SUSD6: variants seen among roughly 807,000 people sequenced by gnomAD.
SUSD6 encodes the protein sushi domain containing 6.
SUSD6 carries 16 observed loss-of-function variants against 28.4 expected under a neutral mutation model. The ratio of observed to expected loss-of-function variants is 0.56; its 90% CI spans 0.38 to 0.86. SUSD6 has a LOEUF of 0.86. Ranked by LOEUF, SUSD6 falls within the 40% of genes least tolerant of loss-of-function variation. SUSD6 has a pLI of 0.00. For synonymous variants in SUSD6, 147 were observed against 159.6 expected (o/e 0.92, Z 0.59); for missense variants, 341 against 384.2 (o/e 0.89, Z 0.94).
chr14:69,647,234 A>G (rs544689162), intron 1 of SUSD6, among the ~76,000 whole-genome samples: 1 of 149,846 alleles, frequency 6.7e-6, no homozygotes, highest in Non-Finnish European at 1.5e-5. Flanking sequence ...CACTGAAATT[A>G]TATCAGGAAG....
chr14:69,623,535 A>C (rs955064256), intron 1 of SUSD6, among the ~76,000 whole-genome samples: 3 of 152,224 alleles, frequency 2.0e-5, no homozygotes, highest in Non-Finnish European at 4.4e-5. Context: ...TTTTGTCATC[A>C]ATATAGACTG....
At chr14:69,632,425 T>C (rs1826078941) in intron 1 of SUSD6, among the ~76,000 whole-genome samples, 1 of 152,186 alleles carries the variant, frequency 6.6e-6, no homozygotes, top group South Asian at 2.1e-4. Context: ...AAACTCATCG[T>C]GTAAGGAGAA....
At chr14:69,613,470 T>C (rs976482715) in intron 1 of SUSD6, among the ~76,000 whole-genome samples, 4 of 152,254 alleles carry the variant, frequency 2.6e-5, no homozygotes, top group African/African-American at 9.6e-5. Flanking sequence ...TTCTCCTGGG[T>C]ACACACTTAC....
At position 69,658,528 on chromosome 14, in the gene SUSD6, G is replaced by T; in HGVS notation, c.-65G>T. ...TTTGTTACAGGTGAATCAGCTCCCG[G>T]CCGACTTTAGGATTCTTCTGGATTT... is the stretch of plus-strand genomic sequence containing the variant. On this transcript the variant is annotated 5_prime_UTR_variant, in exon 2 of 6. Coordinates refer to ENST00000342745, the MANE Select transcript of SUSD6 (RefSeq NM_014734.4). 2.5e-6 allele frequency: 4 copies of T among 1,569,170 alleles called. No homozygotes were observed. The South Asian group carries it at 4.5e-5, about 18-fold the overall frequency.
intron 2 of SUSD6, among the ~76,000 whole-genome samples, chr14:69,667,408 G>A (rs1162860331): frequency 3.3e-5 from 4 of 120,460 alleles, no homozygotes; most frequent in Admixed American, 1.2e-4. Context: ...ACGGAGTCTC[G>A]CTCTGTCGCC....
At chr14:69,671,555 C>A (rs917428757) in intron 2 of SUSD6, among the ~76,000 whole-genome samples, 8 of 152,122 alleles carry the variant, frequency 5.3e-5, no homozygotes, top group African/African-American at 9.7e-5. Flanking sequence ...TCTTATCTGG[C>A]GTCACAAATT....
At chr14:69,641,767 A>ATT (rs1159647145) in intron 1 of SUSD6, among the ~76,000 whole-genome samples, 2 of 146,572 alleles carry the variant, frequency 1.4e-5, no homozygotes, top group African/African-American at 2.5e-5. Context: ...TTTAAAAAAA[A>ATT]TTTTTTTTTT....
At chr14:69,695,203 G>T (rs747974081) in intron 2 of SUSD6, among the ~76,000 whole-genome samples, 5 of 152,180 alleles carry the variant, frequency 3.3e-5, no homozygotes, top group Non-Finnish European at 7.3e-5. Flanking sequence ...TATTTGGCGG[G>T]ATCGGGAAGC....
chr14:69,689,140 T>C (rs997512057), intron 2 of SUSD6, among the ~76,000 whole-genome samples: 1 of 152,348 alleles, frequency 6.6e-6, no homozygotes, highest in East Asian at 1.9e-4. Flanking sequence ...TCCCGTGAAG[T>C]TGGAGCTCTG....
chr14:69,627,158 A>C (rs1885126765), intron 1 of SUSD6, among the ~76,000 whole-genome samples: 1 of 152,204 alleles, frequency 6.6e-6, no homozygotes, highest in Non-Finnish European at 1.5e-5. Flanking sequence ...CTAAAACACA[A>C]GTTGTTCAGG....
intron 2 of SUSD6, among the ~76,000 whole-genome samples, chr14:69,673,753 G>T (rs1885867609): frequency 6.6e-6 from 1 of 151,568 alleles, no homozygotes; most frequent in South Asian, 2.1e-4. Context: ...CCTTTCCTCA[G>T]TCTGGGCTCT....
At chr14:69,684,595 C>A (rs1354143512) in intron 2 of SUSD6, among the ~76,000 whole-genome samples, 1 of 152,222 alleles carries the variant, frequency 6.6e-6, no homozygotes, top group Non-Finnish European at 1.5e-5. Context: ...CAGCTGCTGT[C>A]CCTGGGCTGG....
At chr14:69,710,212 G>A (rs931831706) in intron 5 of SUSD6, among the ~76,000 whole-genome samples, 2 of 152,292 alleles carry the variant, frequency 1.3e-5, no homozygotes, top group East Asian at 1.9e-4. Context: ...CCAAGGTGGG[G>A]CCCTCCTCTT....
At chr14:69,707,104 A>G (rs1886397460) in intron 4 of SUSD6, among the ~76,000 whole-genome samples, 1 of 152,218 alleles carries the variant, frequency 6.6e-6, no homozygotes, top group Non-Finnish European at 1.5e-5. Flanking sequence ...ATTAAATGCA[A>G]TACATGATAC....
Position 69,711,095 on chromosome 14 carries a change from C to T in SUSD6, c.*116C>T. On this transcript the variant is annotated 3_prime_UTR_variant, in exon 6 of 6. Coordinates refer to ENST00000342745, the MANE Select transcript of SUSD6 (RefSeq NM_014734.4). ...CTTACCTGGATACCTGAGCTGCCAC[C>T]TGTGTATCTGTGTATCTCTGAGGGC... The T allele has an allele frequency of 1.0e-6, 1 of 963,464 alleles. No homozygotes were observed. The highest frequency in any genetic ancestry group is 1.6e-5 in the African/African-American group (1 of 62,312). The allele number at this position is 963,464 out of a possible 1,614,324, so 59.7% of individuals were successfully genotyped here.
chr14:69,641,663 C>T (rs755916047), intron 1 of SUSD6, among the ~76,000 whole-genome samples: 5 of 152,076 alleles, frequency 3.3e-5, no homozygotes, highest in African/African-American at 9.7e-5. Context: ...GATCATAGCT[C>T]GTTGCAGCCT....
intron 2 of SUSD6, among the ~76,000 whole-genome samples, chr14:69,672,908 C>T (rs371949860): frequency 1.1e-4 from 17 of 152,362 alleles, no homozygotes; most frequent in African/African-American, 3.8e-4. Context: ...GTTTTGTTCA[C>T]AGTACTAGGT....
At chr14:69,652,285 A>G (rs1366457031) in intron 1 of SUSD6, among the ~76,000 whole-genome samples, 2 of 152,064 alleles carry the variant, frequency 1.3e-5, no homozygotes, top group African/African-American at 2.4e-5. Context: ...TGTCTCTACT[A>G]AAAATACAAA....
intron 2 of SUSD6, among the ~76,000 whole-genome samples, chr14:69,678,275 A>T (rs1312307364): frequency 2.0e-5 from 3 of 151,290 alleles, no homozygotes; most frequent in Non-Finnish European, 4.4e-5. Flanking sequence ...CCTGCAGTAT[A>T]GCATTCCATT....
Sources: allele counts gnomAD v4.1 joint callset (sites outside exome capture counted in the v4.1 genomes callset), GRCh38; gene constraint gnomAD v4.1.1; transcripts MANE v1.5; gene names NCBI Gene and HGNC (gene_info 2026-07-23, HGNC 2026-07-21).